The following MYH14 variants were observed in gnomAD, a reference collection of about 807,000 sequenced individuals.
MYH14 encodes the protein myosin-14.
In MYH14, 123 loss-of-function variants were observed where a neutral mutation model predicts 255.5. The observed-to-expected ratio is 0.48, with a 90% CI of 0.42 to 0.56. MYH14 has a LOEUF of 0.56. Among genes scored for constraint, MYH14 ranks in the 20% least tolerant of loss-of-function variants. The pLI, the probability that MYH14 is intolerant of heterozygous loss-of-function variation, is 0.00. For synonymous variants in MYH14, 1,095 were observed against 1,161.2 expected, an observed-to-expected ratio of 0.94 and a Z score of 1.16; for missense variants, 2,423 against 2,802.3, an observed-to-expected ratio of 0.86 and a Z score of 3.06.
intron 1 of MYH14, 86 bp from the exon 2 acceptor site, chr19:50,210,277 G>A: frequency 7.8e-7 from 1 of 1,279,704 alleles, no homozygotes; most frequent in Non-Finnish European, 1.1e-6. Context: ...AGGCAGAGGT[G>A]GCTGCCTGGG....
chr19:50,240,538 C>T (rs141942698), intron 10 of MYH14, among the ~76,000 whole-genome samples: 24 of 152,100 alleles, frequency 1.6e-4, no homozygotes, highest in African/African-American at 5.5e-4. Context: ...TATGATCACA[C>T]CACACCACTG....
intron 22 of MYH14, among the ~76,000 whole-genome samples, chr19:50,265,349 CA>C (rs768369689): frequency 0.027 from 2,612 of 96,524 alleles, 61 homozygotes; most frequent in African/African-American, 0.079. Context: ...CTCATCTCTA[CA>C]AAAAAAAAAA....
At chr19:50,246,646 A>AAACAAACC (rs1045731779) in intron 11 of MYH14, among the ~76,000 whole-genome samples, 1 of 67,560 alleles carries the variant, frequency 1.5e-5, no homozygotes, top group Non-Finnish European at 3.0e-5. Flanking sequence ...CAAAACAAAC[A>AAACAAACC]AAAAAACCAT....
rs751720737 is a variant in MYH14, at chr19:50,281,618, G to A, written c.4315G>A (p.Glu1439Lys). 1.6e-5 allele frequency: 26 copies of A among 1,596,490 alleles called. No homozygotes were observed. The South Asian group carries it at 2.5e-4, about 15-fold the overall frequency. The change falls in exon 33 of 43, where the codon GAG becomes AAG. Residue 1439 changes from glutamate (E) to lysine (K), a missense_variant. Physicochemically the swap from Glu to Lys is moderately conservative, Grantham distance 56. Coordinates refer to ENST00000642316, the MANE Select transcript of MYH14 (RefSeq NM_001145809.2). ...AQLSEWRRRQ[E>K]EEAGALEAGE... Reference sequence around the variant, plus strand: ...GCTTTCCGAGTGGCGGCGGCGCCAGGAGGAGGAGGCAGGGGCACTGGAGGC... The same window carrying A: ...GCTTTCCGAGTGGCGGCGGCGCCAGAAGGAGGAGGCAGGGGCACTGGAGGC...
At chr19:50,282,106 C>T (rs753760300) in intron 33 of MYH14, among the ~76,000 whole-genome samples, 2 of 152,178 alleles carry the variant, frequency 1.3e-5, no homozygotes, top group African/African-American at 2.4e-5. Context: ...ACAAAATATA[C>T]GAATACCTTC....
In MYH14 at chr19:50,223,312, C is replaced by T. The variant is rs1218831809; in HGVS notation, c.656C>T (p.Ala219Val). 1.9e-6 allele frequency: 3 copies of T among 1,597,314 alleles called. No homozygotes were observed. The highest frequency in any genetic ancestry group is 2.6e-6 in the Non-Finnish European group (3 of 1,172,026). The change falls in exon 5 of 43, where the codon GCG becomes GTG. Residue 219 changes from alanine to valine, a missense_variant. Ala to Val is a moderately conservative substitution (Grantham distance 64, BLOSUM62 0). Coordinates refer to ENST00000642316, the MANE Select transcript of MYH14 (RefSeq NM_001145809.2). Reference protein sequence around the residue: ...KKVIQYLAHVASSPKGRKEPG... With the variant: ...KKVIQYLAHVVSSPKGRKEPG... Reference sequence around the variant, plus strand: ...GTCATCCAGTACCTCGCCCACGTGGCGTCGTCTCCAAAGGGCAGGAAGGAG... The same window carrying T: ...GTCATCCAGTACCTCGCCCACGTGGTGTCGTCTCCAAAGGGCAGGAAGGAG...
intron 11 of MYH14, among the ~76,000 whole-genome samples, chr19:50,244,741 C>G (rs1242073124): frequency 6.6e-6 from 1 of 152,108 alleles, no homozygotes; most frequent in Non-Finnish European, 1.5e-5. Flanking sequence ...CCTCGGCCTC[C>G]CAAAGTGCTG....
intron 3 of MYH14, 26 bp downstream of exon 3, chr19:50,217,797 C>T (rs1329106932): frequency 6.2e-7 from 1 of 1,606,818 alleles, no homozygotes; most frequent in Admixed American, 1.7e-5. Context: ...GGCTGTAGGC[C>T]AGCGAGGCGG....
In MYH14 at chr19:50,292,302, C is replaced by A. The variant is rs757821779; in HGVS notation, c.5169C>A (p.Arg1723=). The change falls in exon 37 of 43, where the codon CGC becomes CGA. Residue 1723 remains arginine (R), a synonymous_variant. Coordinates refer to ENST00000642316, the MANE Select transcript of MYH14 (RefSeq NM_001145809.2). ...KELWREVEET[R]TSREEIFSQN... ...TATGGCGGGAGGTGGAGGAGACACG[C>A]ACCTCCCGGGAGGAGATCTTCTCCC... The A allele has an allele frequency of 6.9e-6, 11 of 1,599,554 alleles. 1 individual carries two copies. The Admixed American group carries it at 1.9e-4, about 28-fold the overall frequency.
chr19:50,223,479 C>A, intron 5 of MYH14, 130 bp downstream of exon 5: 1 of 710,302 alleles, frequency 1.4e-6, no homozygotes, highest in Non-Finnish European at 2.5e-6. Context: ...CACCTGAGCA[C>A]CTACTGTGTG....
At chr19:50,249,336 C>CTCTCTGGGTCTCTGTCCCCTG in intron 13 of MYH14, 197 bp downstream of exon 13, 1 of 654,712 alleles carries the variant, frequency 1.5e-6, no homozygotes, top group Non-Finnish European at 2.5e-6. Flanking sequence ...GTCCCCTTCT[C>CTCTCTGGGTCTCTGTCCCCTG]TCTCTGGGTC....
At chr19:50,211,463 G>A (rs1200690365) in intron 2 of MYH14, among the ~76,000 whole-genome samples, 1 of 152,160 alleles carries the variant, frequency 6.6e-6, no homozygotes, top group Non-Finnish European at 1.5e-5. Flanking sequence ...GGCAAATGAG[G>A]CCCAGAGAGA....
chr19:50,282,412 C>T (rs887684669), intron 33 of MYH14, among the ~76,000 whole-genome samples: 1 of 152,180 alleles, frequency 6.6e-6, no homozygotes, highest in African/African-American at 2.4e-5. Flanking sequence ...TTAGAAAATG[C>T]AGTGTGAAGC....
At chr19:50,267,151 A>C (rs1451943514) in intron 23 of MYH14, 143 bp downstream of exon 23, 5 of 838,710 alleles carry the variant, frequency 6.0e-6, no homozygotes, top group African/African-American at 3.4e-5. Flanking sequence ...GAGCAAAGCT[A>C]AGGTGTACTG....
rs2034549313 is a variant in MYH14, at chr19:50,255,242, C to T, written c.1968C>T (p.Phe656=). The part of the protein sequence containing the change: ...WKDEHGGFQQ[F]SFLGSFPPSP... Reference sequence around the variant, plus strand: ...CAGAACATGGGGGCTTCCAGCAGTTCTCTTTCCTTGGCTCCTTCCCACCGT... The same window carrying T: ...CAGAACATGGGGGCTTCCAGCAGTTTTCTTTCCTTGGCTCCTTCCCACCGT... The change falls in exon 17 of 43, where the codon TTC becomes TTT. Residue 656 remains phenylalanine, a synonymous_variant. Coordinates refer to ENST00000642316, the MANE Select transcript of MYH14 (RefSeq NM_001145809.2). 1.9e-6 allele frequency: 3 copies of T among 1,551,552 alleles called. No individual in the cohort carries two copies. Among genetic ancestry groups the T allele is most frequent in the Non-Finnish European group, 2.6e-6 (3 of 1,146,990 alleles).
Position 50,289,463 on chromosome 19 carries a change from G to A in MYH14, c.4780G>A (p.Val1594Ile). The stretch of plus-strand genomic sequence containing the variant: ...GCATGAGCTGGAACGAGCCTGCCGG[G>A]TAGCAGAACAGGCAGCCAATGATCT... ...SVHELERACR[V>I]AEQAANDLRA... Residue 1594 changes from valine (V) to isoleucine (I), a missense_variant, in exon 35 of 43, where the codon GTA becomes ATA. Physicochemically the swap from Val to Ile is conservative, Grantham distance 29. Around this residue, in one of 3 missense-constraint regions of MYH14, gnomAD observed 1,513 missense variants for 1,674.8 expected, o/e 0.90. Transcript: ENST00000642316. 1 of 1,611,934 alleles carries A rather than the reference G, an allele frequency of 6.2e-7. No individual in the cohort carries two copies. The highest frequency in any genetic ancestry group is 1.1e-5 in the South Asian group (1 of 90,522).
Position 50,217,783 on chromosome 19 carries a change from G to A in MYH14, c.562+12G>A, listed in dbSNP as rs1292400490. On this transcript the variant is annotated intron_variant, in intron 3 of 42. Coordinates refer to ENST00000642316, the MANE Select transcript of MYH14 (RefSeq NM_001145809.2). Reference sequence around the variant, plus strand: ...GAGCATGCTGCAGGGTGAGTGCTGGGTGGGGCTGTAGGCCAGCGAGGCGGC... The same window carrying A: ...GAGCATGCTGCAGGGTGAGTGCTGGATGGGGCTGTAGGCCAGCGAGGCGGC... 2 of 1,611,470 alleles carry A rather than the reference G, an allele frequency of 1.2e-6. No individual in the cohort carries two copies. Among genetic ancestry groups the A allele is most frequent in the Non-Finnish European group, 1.7e-6 (2 of 1,178,632 alleles).
intron 10 of MYH14, among the ~76,000 whole-genome samples, chr19:50,232,322 T>A (rs1034927501): frequency 2.0e-5 from 3 of 152,170 alleles, no homozygotes; most frequent in African/African-American, 7.2e-5. Context: ...CTGGGCGCAG[T>A]GGCTCATGCC....
chr19:50,217,002 G>C (rs536520047), intron 2 of MYH14, among the ~76,000 whole-genome samples: 1 of 151,754 alleles, frequency 6.6e-6, no homozygotes, highest in Non-Finnish European at 1.5e-5. Flanking sequence ...GTAGAGATGG[G>C]GTTTCACCAT....
Sources: gnomAD v4.1 joint callset for allele counts (sites outside exome capture counted in the v4.1 genomes callset) on GRCh38, gnomAD v4.1.1 for gene constraint, gnomAD v4.1.1 regional missense constraint, MANE v1.5 for transcripts, NCBI Gene and HGNC (gene_info 2026-07-23, HGNC 2026-07-21) for gene names.